The following TSHR variants were observed in gnomAD, a reference collection of about 807,000 sequenced individuals.
TSHR encodes the protein thyrotropin receptor.
Under a neutral mutation model 64.1 loss-of-function variants are expected in TSHR, and 51 were observed. That is an observed-to-expected ratio of 0.80 (90% CI 0.64 to 1.01). TSHR has a LOEUF of 1.01. TSHR is among the 50% of genes least tolerant of loss of function. TSHR has a pLI of 0.00. For synonymous variants in TSHR, 361 were observed against 361.9 expected (o/e 1.00, Z 0.03); for missense variants, 877 against 942.8 (o/e 0.93, Z 0.91).
intron 6 of TSHR, chr14:81,095,571 C>CA (rs11396824): frequency 0.26 from 38,815 of 147,502 alleles, 7,323 homozygotes; most frequent in African/African-American, 0.54. Flanking sequence ...GACTCCCTGT[C>CA]AAAAAAAAAA....
chr14:81,018,548 C>T (rs907237282), intron 1 of TSHR, among the ~76,000 whole-genome samples: 2 of 151,998 alleles, frequency 1.3e-5, no homozygotes, highest in South Asian at 2.1e-4. Flanking sequence ...CACTGAGCAC[C>T]GAAGAGTTGG....
chr14:81,095,112 G>A (rs572898076), intron 6 of TSHR, among the ~76,000 whole-genome samples: 43 of 152,276 alleles, frequency 2.8e-4, no homozygotes, highest in Middle Eastern at 3.4e-3. Context: ...ACTGCCACTA[G>A]GAGTTCTCAC....
At chr14:81,054,131 T>A (rs1366064469) in intron 1 of TSHR, among the ~76,000 whole-genome samples, 1 of 152,180 alleles carries the variant, frequency 6.6e-6, no homozygotes, top group Non-Finnish European at 1.5e-5. Context: ...TGAGAGCAGG[T>A]CTTTCCTGTG....
chr14:80,978,615 C>A (rs1035675885), intron 1 of TSHR, among the ~76,000 whole-genome samples: 2 of 152,328 alleles, frequency 1.3e-5, no homozygotes, highest in Admixed American at 1.3e-4. Context: ...GGGCTGTGGG[C>A]TTCCCGGGAA....
intron 1 of TSHR, among the ~76,000 whole-genome samples, chr14:80,969,110 C>T (rs1039358027): frequency 1.3e-5 from 2 of 152,168 alleles, no homozygotes; most frequent in African/African-American, 4.8e-5. Flanking sequence ...CATATGTTGG[C>T]TATTGATTCA....
At chr14:81,106,860 G>A (rs1008733250) in intron 7 of TSHR, among the ~76,000 whole-genome samples, 18 of 150,640 alleles carry the variant, frequency 1.2e-4, no homozygotes, top group African/African-American at 3.9e-4. Context: ...CAGGACAATC[G>A]CTTGAACCCA....
At chr14:81,134,665 AT>A (rs1456263254) in intron 8 of TSHR, among the ~76,000 whole-genome samples, 1 of 152,234 alleles carries the variant, frequency 6.6e-6, no homozygotes, top group African/African-American at 2.4e-5. Flanking sequence ...AGGCAATTTA[AT>A]AAAAGTAATA....
chr14:80,990,567 C>A (rs1888676002), intron 1 of TSHR, among the ~76,000 whole-genome samples: 1 of 152,168 alleles, frequency 6.6e-6, no homozygotes, highest in Non-Finnish European at 1.5e-5. Context: ...AACCCTGTTA[C>A]TTGAGATTGT....
chr14:81,112,217 C>T (rs1890254520), intron 8 of TSHR, among the ~76,000 whole-genome samples: 1 of 152,088 alleles, frequency 6.6e-6, no homozygotes, highest in Non-Finnish European at 1.5e-5. Context: ...ATAAAGTAAG[C>T]TAATAAAGTT....
At chr14:81,096,970 T>C (rs1473338789) in intron 7 of TSHR, among the ~76,000 whole-genome samples, 4 of 147,058 alleles carry the variant, frequency 2.7e-5, no homozygotes. Context: ...TCATCTATTA[T>C]GTACATGAAG....
chr14:81,143,940 G>T lies in TSHR; in HGVS notation c.1882G>T (p.Val628Leu). The change falls in exon 10 of 10, where the codon GTG (valine) becomes TTG (leucine). Residue 628 changes from valine (V) to leucine (L), a missense_variant. Val to Leu is a conservative substitution (Grantham distance 32, BLOSUM62 1). Transcript: ENST00000298171. ...KDTKIAKRMA[V>L]LIFTDFICMA... is the part of the protein sequence containing the mutation. ...TACCAAAATTGCCAAGAGGATGGCTGTGTTGATCTTCACCGACTTCATATG... is the reference window on the plus strand; with the variant it reads ...TACCAAAATTGCCAAGAGGATGGCTTTGTTGATCTTCACCGACTTCATATG... 6.2e-7 allele frequency: 1 copy of T among 1,614,228 alleles called. No individual in the cohort carries two copies. The highest frequency in any genetic ancestry group is 8.5e-7 in the Non-Finnish European group (1 of 1,180,036).
intron 2 of TSHR, among the ~76,000 whole-genome samples, chr14:81,065,973 G>T (rs1030218734): frequency 1.2e-4 from 19 of 152,134 alleles, no homozygotes; most frequent in African/African-American, 4.6e-4. Flanking sequence ...TGACTGTAAT[G>T]ATTATATGAT....
intron 1 of TSHR, among the ~76,000 whole-genome samples, chr14:81,025,916 G>A (rs955138315): frequency 1.3e-5 from 2 of 152,180 alleles, no homozygotes; most frequent in Non-Finnish European, 2.9e-5. Context: ...AAAGAAGATG[G>A]TTACTGGACC....
Position 81,096,905 on chromosome 14 carries a change from T to C in TSHR, c.614+198T>C, listed in dbSNP as rs148213974. On this transcript the variant is annotated intron_variant, in intron 7 of 9. Transcript: ENST00000298171. Reference sequence around the variant, plus strand: ...GCTTACGTTAGCTCCAATGGTAAGTTCCAAAGCTTTTCTCCCTGGTGTGTG... The same window carrying C: ...GCTTACGTTAGCTCCAATGGTAAGTCCCAAAGCTTTTCTCCCTGGTGTGTG... 3.5e-4 allele frequency among the ~76,000 whole-genome samples: 52 copies of C among 147,784 alleles called. No homozygotes were observed. The East Asian group carries it at 9.9e-3, about 28-fold the overall frequency.
At chr14:81,127,752 T>G (rs1387770608) in intron 8 of TSHR, among the ~76,000 whole-genome samples, 2 of 152,202 alleles carry the variant, frequency 1.3e-5, no homozygotes, top group Non-Finnish European at 2.9e-5. Context: ...ATGTAAGACG[T>G]GCCTTTTGCC....
chr14:81,078,898 C>T (rs1042710262), intron 3 of TSHR: 1 of 152,154 alleles, frequency 6.6e-6, no homozygotes, highest in Non-Finnish European at 1.5e-5. Context: ...CAGAAAATCA[C>T]CCAGCTCAGC....
At chr14:81,098,440 C>T (rs1404115330) in intron 7 of TSHR, among the ~76,000 whole-genome samples, 1 of 152,042 alleles carries the variant, frequency 6.6e-6, no homozygotes, top group Non-Finnish European at 1.5e-5. Context: ...GGAAAGGTGG[C>T]ATTTGATTTT....
intron 8 of TSHR, among the ~76,000 whole-genome samples, chr14:81,122,020 C>CTTTTTTTTTTTT (rs1161879777): frequency 4.5e-5 from 2 of 44,904 alleles, no homozygotes; most frequent in Admixed American, 3.8e-4. Flanking sequence ...TTTTCTTTTC[C>CTTTTTTTTTTTT]TTTTTTTTTT....
At chr14:81,097,773 G>T (rs1889306930) in intron 7 of TSHR, among the ~76,000 whole-genome samples, 1 of 152,156 alleles carries the variant, frequency 6.6e-6, no homozygotes, top group African/African-American at 2.4e-5. Context: ...CTGAGGCAAG[G>T]CTCCCTGAGT....
Sources: gnomAD v4.1 joint callset for allele counts (sites outside exome capture counted in the v4.1 genomes callset) on GRCh38, gnomAD v4.1.1 for gene constraint, MANE v1.5 for transcripts, NCBI Gene and HGNC (gene_info 2026-07-23, HGNC 2026-07-21) for gene names.